Variants in RUFY1 observed in about 807,000 individuals in gnomAD.
The protein encoded by RUFY1 is RUN and FYVE domain containing 1.
In RUFY1, 54 loss-of-function variants were observed where a neutral mutation model predicts 94.6. The observed-to-expected ratio is 0.57, with a 90% CI of 0.46 to 0.72. The LOEUF (loss-of-function observed/expected upper bound fraction) is 0.72, where lower values mean the gene tolerates loss of function less well. RUFY1 is among the 30% of genes least tolerant of loss of function. The probability of loss-of-function intolerance (pLI) is 0.00; values close to 1 mark genes in which losing one functional copy is unlikely to be tolerated. For missense variants in RUFY1, 883 were observed against 883.9 expected, an observed-to-expected ratio of 1.00 and a Z score of 0.01; for synonymous variants, 396 against 347.3, an observed-to-expected ratio of 1.14 and a Z score of -1.56.
At chr5:179,569,532 C>T (rs1234352256) in intron 5 of RUFY1, 107 bp downstream of exon 5, 1 of 1,147,944 alleles carries the variant, frequency 8.7e-7, no homozygotes, top group South Asian at 1.3e-5. Context: ...GGCAAAGAGC[C>T]CACTGGTAGA....
chr5:179,596,977 T>C, intron 13 of RUFY1: 1 of 360,896 alleles, frequency 2.8e-6, no homozygotes, highest in East Asian at 4.6e-5. Flanking sequence ...AAGAAACAGC[T>C]TTGTCAGTGT....
chr5:179,602,030 G>A, intron 15 of RUFY1, 44 bp downstream of exon 15: 1 of 1,490,120 alleles, frequency 6.7e-7, no homozygotes, highest in Non-Finnish European at 9.4e-7. Context: ...GGCACACCAG[G>A]CTACCCACCA....
chr5:179,572,589 C>G, intron 5 of RUFY1: 1 of 227,360 alleles, frequency 4.4e-6, no homozygotes, highest in Non-Finnish European at 9.2e-6. Flanking sequence ...AATGATTTGC[C>G]TCTGGGGTGC....
chr5:179,591,502 A>G, intron 9 of RUFY1, 123 bp from the exon 10 acceptor site: 1 of 700,870 alleles, frequency 1.4e-6, no homozygotes, highest in South Asian at 1.8e-5. Flanking sequence ...ACCTTTTTCT[A>G]CCATGCTTAA....
chr5:179,577,001 C>A, intron 5 of RUFY1, 74 bp from the exon 6 acceptor site: 1 of 1,011,144 alleles, frequency 9.9e-7, no homozygotes, highest in Non-Finnish European at 1.6e-6. Context: ...AATGAAATAC[C>A]TGAATTTCAA....
intron 9 of RUFY1, among the ~76,000 whole-genome samples, chr5:179,591,388 G>A (rs532590979): frequency 6.6e-6 from 1 of 150,996 alleles, no homozygotes; most frequent in Non-Finnish European, 1.5e-5. Context: ...GTTTCACCAT[G>A]TTAGCCAGGA....
At chr5:179,591,158 A>G (rs1765054238) in intron 9 of RUFY1, among the ~76,000 whole-genome samples, 1 of 149,418 alleles carries the variant, frequency 6.7e-6, no homozygotes, top group South Asian at 2.1e-4. Context: ...TCAAATATCT[A>G]TTGACTTATT....
At chr5:179,594,686 G>C (rs1222629748) in intron 11 of RUFY1, among the ~76,000 whole-genome samples, 180 bp from the exon 12 acceptor site, 1 of 138,650 alleles carries the variant, frequency 7.2e-6, no homozygotes, top group Non-Finnish European at 1.5e-5. Flanking sequence ...GCGTGAACCC[G>C]GGAGGCGGAG....
chr5:179,595,107 C>A lies in RUFY1; in HGVS notation c.1511+144C>A, dbSNP rs1765489851. The stretch of plus-strand genomic sequence containing the variant: ...CCTGTAATCCCAACACTTTGGGAGG[C>A]CGACGCGGGAGGATCACTTAAGGTC... On this transcript the variant is annotated intron_variant, in intron 12 of 17. Transcript: ENST00000319449. The A allele has an allele frequency of 9.9e-6, 6 of 608,734 alleles. No individual in the cohort carries two copies. The East Asian group carries it at 1.4e-4, about 15-fold the overall frequency. 37.7% of individuals were successfully genotyped at this position (608,734 alleles called of 1,614,324 possible).
At chr5:179,556,921 GT>G (rs1281439602) in intron 1 of RUFY1, among the ~76,000 whole-genome samples, 2 of 152,124 alleles carry the variant, frequency 1.3e-5, no homozygotes, top group African/African-American at 4.8e-5. Context: ...TTTTAGTCCT[GT>G]TTTTTGTTTG....
At chr5:179,559,665 C>T (rs1205737121) in intron 1 of RUFY1, 2 of 1,025,874 alleles carry the variant, frequency 1.9e-6, no homozygotes, top group Non-Finnish European at 1.2e-6. Context: ...GGCAGGGCTT[C>T]CTGTAGGTAG....
At chr5:179,584,266 CTGGCAACAGGGACTGG>C in intron 7 of RUFY1, among the ~76,000 whole-genome samples, 2 of 152,316 alleles carry the variant, frequency 1.3e-5, no homozygotes, top group Admixed American at 1.3e-4. Flanking sequence ...CCCCCACTCA[CTGGCAACAGGGACTGG>C]TCTTTGGCAG....
At chr5:179,609,156 G>C (rs1291346478) in intron 17 of RUFY1, among the ~76,000 whole-genome samples, 3 of 145,796 alleles carry the variant, frequency 2.1e-5, no homozygotes, top group Non-Finnish European at 4.5e-5. Flanking sequence ...GCAGTGAGCT[G>C]AGATCGCGCC....
chr5:179,595,359 TCAAAACAAAA>T (rs1765522854), intron 12 of RUFY1, among the ~76,000 whole-genome samples: 2 of 151,698 alleles, frequency 1.3e-5, no homozygotes, highest in South Asian at 4.1e-4. Flanking sequence ...AAACTTCATC[TCAAAACAAAA>T]CAAAAAAAGG....
At position 179,609,519 on chromosome 5, in the gene RUFY1, A is replaced by G. The variant is rs1490312929; in HGVS notation, c.2127A>G (p.Ter709TrpextTer86). ...AGCGCTGCTCCTCCACGGCCTCCTG[A>G]ACGTCCGTCCTCAGGAGCACAGCCT... ...LLQRCSSTAS[*>W] The change falls in exon 18 of 18, where the codon TGA becomes TGG. Residue 709 changes from the stop codon to tryptophan (W), a stop_lost. Coordinates refer to ENST00000319449, the MANE Select transcript of RUFY1 (RefSeq NM_025158.5). 6.3e-7 allele frequency: 1 copy of G among 1,599,828 alleles called. No individual in the cohort carries two copies. Among genetic ancestry groups the G allele is most frequent in the Admixed American group, 1.7e-5 (1 of 58,822 alleles).
At position 179,604,135 on chromosome 5, in the gene RUFY1, T is replaced by C. The variant is rs552995275; in HGVS notation, c.1857-1741T>C. On this transcript the variant is annotated intron_variant, in intron 15 of 17. Transcript: ENST00000319449. The stretch of plus-strand genomic sequence containing the variant: ...GGCTAACCTAGCTTCCAAATCCCAG[T>C]GTGAGCTGCCTGGCCACCATTCCCT... Among the ~76,000 whole-genome samples, 3 of 152,298 alleles carry C rather than the reference T, an allele frequency of 2.0e-5. No homozygotes were observed. In the East Asian group the frequency reaches 5.8e-4, roughly 29 times the overall value.
rs1439961144 is a variant in RUFY1 at position 179,585,839 on chromosome 5, A to G, written c.1000A>G (p.Lys334Glu). The change falls in exon 8 of 18, where the codon AAG becomes GAG. Residue 334 changes from lysine to glutamate, a missense_variant. Lys to Glu is a moderately conservative substitution (Grantham distance 56). Coordinates refer to ENST00000319449, the MANE Select transcript of RUFY1 (RefSeq NM_025158.5). ...DLQTKIDGLE[K>E]TNSKLQEELS... ...TCAAACCAAGATAGATGGCTTGGAA[A>G]AGACTAACTCAAAGCTTCAAGAAGA... 6.8e-6 allele frequency: 11 copies of G among 1,613,868 alleles called. No homozygotes were observed. Among genetic ancestry groups the G allele is most frequent in the Non-Finnish European group, 8.5e-6 (10 of 1,179,708 alleles).
rs769115019 is a variant in RUFY1 at position 179,569,238 on chromosome 5, G to C, written c.705-64G>C. 9 of 1,610,832 alleles carry C rather than the reference G, an allele frequency of 5.6e-6. No homozygotes were observed. In the South Asian group the frequency reaches 6.6e-5, roughly 12 times the overall value. On this transcript the variant is annotated intron_variant, in intron 4 of 17. Coordinates refer to ENST00000319449, the MANE Select transcript of RUFY1 (RefSeq NM_025158.5). ...CACAGGTGAAAAGGCAGTTCAGGGT[G>C]GGGAAGGAGTGGGGATGGTGAAGCT...
rs1323437189 is a variant in RUFY1, at chr5:179,589,658, G to A, written c.1128+11G>A. The A allele has an allele frequency of 6.3e-7, 1 of 1,579,474 alleles. No individual in the cohort carries two copies. The highest frequency in any genetic ancestry group is 8.7e-7 in the Non-Finnish European group (1 of 1,148,614). ...GAAAAGAGTGTAGAGGTGAGAAATT[G>A]ACCTACATTTGGGCAGCATGTTTCT... is the stretch of plus-strand genomic sequence containing the variant. On this transcript the variant is annotated intron_variant, in intron 9 of 17. Coordinates refer to ENST00000319449, the MANE Select transcript of RUFY1 (RefSeq NM_025158.5).
Sources: allele counts gnomAD v4.1 joint callset (sites outside exome capture counted in the v4.1 genomes callset), GRCh38; gene constraint gnomAD v4.1.1; transcripts MANE v1.5; gene names NCBI Gene and HGNC (gene_info 2026-07-23, HGNC 2026-07-21).